Variants in PRH1 observed in about 807,000 individuals in gnomAD.
PRH1 encodes the protein proline rich protein HaeIII subfamily 1, also known as salivary acidic proline-rich phosphoprotein 1/2.
PRH1 carries 7 observed loss-of-function variants against 7.9 expected under a neutral mutation model. That is an observed-to-expected ratio of 0.89 (90% confidence interval 0.50 to 1.67). The LOEUF is 1.67. Among genes scored for constraint, PRH1 ranks in the 40% most tolerant of loss-of-function variants. PRH1 has a pLI of 0.00. For synonymous variants in PRH1, 45 were observed against 80.8 expected, an observed-to-expected ratio of 0.56 and a Z score of 2.38; for missense variants, 109 against 223.6, an observed-to-expected ratio of 0.49 and a Z score of 3.27.
At chr12:11,088,420 T>A (rs1194111499) in intron 1 of PRH1, among the ~76,000 whole-genome samples, 2 of 106,160 alleles carry the variant, frequency 1.9e-5, no homozygotes, top group African/African-American at 3.3e-5. Context: ...TATAGTAAAA[T>A]ACTCTAACGA....
chr12:10,897,304 A>G (rs1006164745), intron 2 of PRH1, among the ~76,000 whole-genome samples: 6 of 152,182 alleles, frequency 3.9e-5, no homozygotes, highest in Non-Finnish European at 7.3e-5. Context: ...GCCAACATAC[A>G]TAGGGGATAT....
At chr12:11,083,888 C>T (rs80020237) in intron 1 of PRH1, among the ~76,000 whole-genome samples, 29,604 of 86,752 alleles carry the variant, frequency 0.34, 3,471 homozygotes, top group Non-Finnish European at 0.44. Context: ...TGTTCATTTT[C>T]CTTTTTATTT....
rs1256114084 is a variant in PRH1, at chr12:11,082,495, G to A, written n.124-35307C>T. ...ATTTTTTTTTATTTTTTGTAGAGAT[G>A]GGGTTTCATCATGTTGGCCAGGCTG... On this transcript the variant is annotated intron_variant and non_coding_transcript_variant, in intron 1 of 4. Coordinates refer to the PRH1 transcript ENST00000541977. Among the ~76,000 whole-genome samples, 6 of 113,026 alleles carry A rather than the reference G, an allele frequency of 5.3e-5. 2 individuals carry two copies. Among genetic ancestry groups the A allele is most frequent in the Admixed American group, 3.6e-4 (4 of 11,086 alleles). 74.1% of individuals were successfully genotyped at this position (113,026 alleles called of 152,430 possible).
At chr12:10,911,135 T>G (rs963505251) in intron 2 of PRH1, among the ~76,000 whole-genome samples, 1 of 152,230 alleles carries the variant, frequency 6.6e-6, no homozygotes, top group Non-Finnish European at 1.5e-5. Context: ...AGAGATCTTT[T>G]ATACTTTTTC....
chr12:10,964,225 T>C (rs1938392199), intron 2 of PRH1, among the ~76,000 whole-genome samples: 1 of 152,228 alleles, frequency 6.6e-6, no homozygotes, highest in African/African-American at 2.4e-5. Flanking sequence ...CACTCTCTCT[T>C]AAGTGTTTCA....
At chr12:11,138,259 T>C (rs561503817) in intron 1 of PRH1, among the ~76,000 whole-genome samples, 1 of 152,264 alleles carries the variant, frequency 6.6e-6, no homozygotes, top group Admixed American at 6.5e-5. Context: ...GTAAATGCTT[T>C]TTCACATTCT....
At chr12:10,967,359 A>G (rs1938557401) in intron 2 of PRH1, among the ~76,000 whole-genome samples, 1 of 152,220 alleles carries the variant, frequency 6.6e-6, no homozygotes, top group Admixed American at 6.5e-5. Context: ...TATAATGCAC[A>G]CTTAGAAATG....
chr12:11,115,644 G>T (rs966981679), intron 1 of PRH1, among the ~76,000 whole-genome samples: 1 of 152,062 alleles, frequency 6.6e-6, no homozygotes, highest in Non-Finnish European at 1.5e-5. Flanking sequence ...CCATATGTTA[G>T]ATCACAAAAC....
chr12:11,133,314 A>G (rs1232951375), intron 1 of PRH1: 2 of 1,613,408 alleles, frequency 1.2e-6, no homozygotes, highest in Admixed American at 3.3e-5. Flanking sequence ...CCTCTTGTGA[A>G]TCTATGGAGA....
At chr12:10,901,945 A>C (rs1949730076) in intron 2 of PRH1, among the ~76,000 whole-genome samples, 1 of 152,172 alleles carries the variant, frequency 6.6e-6, no homozygotes, top group Non-Finnish European at 1.5e-5. Context: ...TTCTACCACC[A>C]TAAAAAAAGT....
In PRH1 at chr12:10,930,240, T is replaced by C. The variant is rs1950184191; in HGVS notation, c.-59+43415A>G. The stretch of plus-strand genomic sequence containing the variant: ...GCTCTGAATGATTCATGCAGTAACT[T>C]TTCCCATCATCCTGTACTTCTTTTC... On this transcript the variant is annotated intron_variant, in intron 2 of 3. Coordinates refer to the PRH1 transcript ENST00000539853. The C allele has an allele frequency of 1.9e-6, 3 of 1,610,628 alleles. No individual in the cohort carries two copies. The South Asian group carries it at 3.3e-5, about 18-fold the overall frequency.
chr12:10,920,561 C>T (rs950242926), intron 2 of PRH1, among the ~76,000 whole-genome samples: 4 of 151,874 alleles, frequency 2.6e-5, no homozygotes, highest in Non-Finnish European at 4.4e-5. Flanking sequence ...TTTTAATGGA[C>T]CAGTGCTGGT....
At chr12:11,046,286 G>A (rs943805141) in intron 1 of PRH1, among the ~76,000 whole-genome samples, 2 of 152,132 alleles carry the variant, frequency 1.3e-5, no homozygotes, top group Non-Finnish European at 2.9e-5. Context: ...TGTCTTCACT[G>A]TGCTTGATGA....
chr12:11,133,699 T>C, intron 1 of PRH1: 1 of 1,614,254 alleles, frequency 6.2e-7, no homozygotes, highest in Non-Finnish European at 8.5e-7. Flanking sequence ...CAAAGTTTGC[T>C]AGCATGGTTA....
intron 2 of PRH1, among the ~76,000 whole-genome samples, chr12:10,899,304 C>A (rs771302280): frequency 2.6e-5 from 4 of 152,038 alleles, no homozygotes; most frequent in African/African-American, 9.7e-5. Flanking sequence ...GAGAAGGACA[C>A]GAGTTTTCAG....
At chr12:10,951,959 G>T (rs1005060340) in intron 2 of PRH1, among the ~76,000 whole-genome samples, 3 of 152,178 alleles carry the variant, frequency 2.0e-5, no homozygotes, top group Admixed American at 6.5e-5. Flanking sequence ...AGGAAATCCA[G>T]TTCTCTGCTT....
intron 2 of PRH1, among the ~76,000 whole-genome samples, chr12:10,959,868 C>A (rs549518553): frequency 8.5e-5 from 13 of 152,094 alleles, no homozygotes; most frequent in Non-Finnish European, 1.9e-4. Context: ...AGAATTGAGA[C>A]CTTCGGCAGT....
At chr12:11,108,381 T>C (rs1945490401) in intron 1 of PRH1, among the ~76,000 whole-genome samples, 1 of 152,058 alleles carries the variant, frequency 6.6e-6, no homozygotes, top group Non-Finnish European at 1.5e-5. Context: ...GCTGGCAAAA[T>C]GTCCTAATAG....
intron 1 of PRH1, chr12:11,030,814 A>AAG (rs1942162642): frequency 6.2e-7 from 1 of 1,614,194 alleles, no homozygotes; most frequent in African/African-American, 1.3e-5. Context: ...TCGCATCTGA[A>AAG]AGGTACACTG....
Sources: allele counts gnomAD v4.1 joint callset (sites outside exome capture counted in the v4.1 genomes callset), GRCh38; gene constraint gnomAD v4.1.1; transcripts MANE v1.5; gene names NCBI Gene and HGNC (gene_info 2026-07-23, HGNC 2026-07-21).